Variants in NRP1 observed in about 807,000 individuals in gnomAD.
NRP1 encodes the protein neuropilin-1.
A neutral mutation model predicts 106.7 loss-of-function variants in NRP1; 35 were observed. The ratio of observed to expected loss-of-function variants is 0.33; its 90% CI spans 0.25 to 0.43. The LOEUF (loss-of-function observed/expected upper bound fraction) is 0.43. Ranked by LOEUF, NRP1 falls within the 20% of genes least tolerant of loss-of-function variation. The pLI, the probability that NRP1 is intolerant of heterozygous loss-of-function variation, is 1.00. For synonymous variants in NRP1, 437 were observed against 417.9 expected (o/e 1.05, Z -0.56); for missense variants, 1,024 against 1,170.4 (o/e 0.87, Z 1.83).
chr10:33,197,775 T>C, intron 11 of NRP1, 66 bp from the exon 12 acceptor site: 1 of 923,512 alleles, frequency 1.1e-6, no homozygotes. Context: ...GAGAAAAATG[T>C]ATGCTTACAA....
At chr10:33,251,660 G>C (rs117755344) in intron 6 of NRP1, among the ~76,000 whole-genome samples, 1,957 of 152,260 alleles carry the variant, frequency 0.013, 16 homozygotes, top group Non-Finnish European at 0.022. Context: ...TCCAAAGAAT[G>C]ATGTAAATCT....
At chr10:33,196,148 A>T (rs1836766407) in intron 12 of NRP1, among the ~76,000 whole-genome samples, 1 of 152,168 alleles carries the variant, frequency 6.6e-6, no homozygotes, top group African/African-American at 2.4e-5. Flanking sequence ...TCCATTTTCT[A>T]CACAGCTGTT....
chr10:33,197,224 C>A (rs1234987420), intron 12 of NRP1, among the ~76,000 whole-genome samples: 1 of 152,108 alleles, frequency 6.6e-6, no homozygotes, highest in Non-Finnish European at 1.5e-5. Context: ...ACTGGAAACA[C>A]TGTTGTAAAA....
intron 13 of NRP1, 93 bp downstream of exon 13, chr10:33,192,188 A>T (rs1463947488): frequency 1.4e-6 from 2 of 1,393,760 alleles, no homozygotes; most frequent in Non-Finnish European, 2.0e-6. Flanking sequence ...TACCCGCCCT[A>T]AATTCACAGA....
chr10:33,224,864 G>A (rs1243516394), intron 7 of NRP1, among the ~76,000 whole-genome samples: 2 of 152,086 alleles, frequency 1.3e-5, no homozygotes, highest in Non-Finnish European at 2.9e-5. Context: ...AAAAAGAAAT[G>A]GCCTGACAGT....
At chr10:33,262,759 T>C (rs1208545672) in intron 4 of NRP1, among the ~76,000 whole-genome samples, 1 of 150,804 alleles carries the variant, frequency 6.6e-6, no homozygotes, top group Non-Finnish European at 1.5e-5. Context: ...TTTCAACCTA[T>C]ACCTCCCCAC....
At chr10:33,272,742 C>T (rs1048399433) in intron 2 of NRP1, among the ~76,000 whole-genome samples, 1 of 152,108 alleles carries the variant, frequency 6.6e-6, no homozygotes, top group Non-Finnish European at 1.5e-5. Flanking sequence ...TATAATTTAA[C>T]TGTGATTTGA....
intron 3 of NRP1, among the ~76,000 whole-genome samples, chr10:33,269,404 C>A (rs962629605): frequency 6.6e-6 from 1 of 152,306 alleles, no homozygotes; most frequent in South Asian, 2.1e-4. Context: ...GGCAGCCCTC[C>A]CACCTCAACC....
intron 9 of NRP1, among the ~76,000 whole-genome samples, chr10:33,208,532 T>C (rs1293974265): frequency 6.6e-6 from 1 of 152,208 alleles, no homozygotes; most frequent in East Asian, 1.9e-4. Flanking sequence ...CAGTTTTCCT[T>C]TTCAAGAAAT....
At chr10:33,278,679 C>T (rs1181787910) in intron 2 of NRP1, among the ~76,000 whole-genome samples, 1 of 152,168 alleles carries the variant, frequency 6.6e-6, no homozygotes, top group African/African-American at 2.4e-5. Context: ...CGCATATAGT[C>T]CACCTAACAT....
intron 4 of NRP1, 64 bp downstream of exon 4, chr10:33,263,581 TA>T: frequency 8.1e-7 from 1 of 1,239,982 alleles, no homozygotes; most frequent in Non-Finnish European, 1.2e-6. Flanking sequence ...ATGAGACTTG[TA>T]AAAGAATACT....
chr10:33,207,142 A>T (rs1311552746), intron 10 of NRP1, among the ~76,000 whole-genome samples: 1 of 152,140 alleles, frequency 6.6e-6, no homozygotes, highest in Non-Finnish European at 1.5e-5. Flanking sequence ...GGGTTGAGGG[A>T]AGTTGCCTGC....
chr10:33,205,174 G>T (rs533190976), intron 10 of NRP1, among the ~76,000 whole-genome samples: 2 of 152,306 alleles, frequency 1.3e-5, no homozygotes, highest in East Asian at 3.9e-4. Context: ...CTTAATAAGG[G>T]CCTGTTAACT....
Position 33,326,545 on chromosome 10 carries a change from T to C in NRP1, c.248+4163A>G, listed in dbSNP as rs117198579. Among the ~76,000 whole-genome samples, 763 of 152,284 alleles carry C rather than the reference T, an allele frequency of 5.0e-3. 1 individual carries two copies. Among genetic ancestry groups the C allele is most frequent in the Admixed American group, 8.0e-3 (123 of 15,296 alleles). ...CTAATAATAAAATCATGCATATATA[T>C]AGCTGGGAAAAAATCCTAGTTCTGT... On this transcript the variant is annotated intron_variant, in intron 2 of 16. Transcript: ENST00000374867.
chr10:33,232,638 C>CTTTTTTTT (rs71030049), intron 6 of NRP1, among the ~76,000 whole-genome samples: 5 of 94,208 alleles, frequency 5.3e-5, no homozygotes, highest in Non-Finnish European at 9.9e-5. Context: ...TTTTCTTTTC[C>CTTTTTTTT]TTTTTTTTTT....
intron 16 of NRP1, among the ~76,000 whole-genome samples, chr10:33,181,499 G>A (rs184363574): frequency 6.6e-6 from 1 of 152,320 alleles, no homozygotes; most frequent in East Asian, 1.9e-4. Context: ...ATGCATTGAT[G>A]ATAAGGGTGC....
intron 8 of NRP1, among the ~76,000 whole-genome samples, chr10:33,215,437 A>G (rs1216427836): frequency 1.3e-5 from 2 of 152,176 alleles, no homozygotes; most frequent in Non-Finnish European, 2.9e-5. Context: ...AGACCTTTTT[A>G]TGTCTTCTAA....
At chr10:33,255,536 C>G (rs1842139948) in intron 5 of NRP1, among the ~76,000 whole-genome samples, 1 of 152,124 alleles carries the variant, frequency 6.6e-6, no homozygotes, top group Non-Finnish European at 1.5e-5. Context: ...CTCACTGCAG[C>G]CTTAAACTTT....
intron 13 of NRP1, 31 bp downstream of exon 13, chr10:33,192,250 A>G (rs1836468084): frequency 6.3e-7 from 1 of 1,594,412 alleles, no homozygotes; most frequent in African/African-American, 1.3e-5. Flanking sequence ...GAATCTGCAA[A>G]GCCATGCAGC....
Sources: allele counts gnomAD v4.1 joint callset (sites outside exome capture counted in the v4.1 genomes callset), GRCh38; gene constraint gnomAD v4.1.1; transcripts MANE v1.5; gene names NCBI Gene and HGNC (gene_info 2026-07-23, HGNC 2026-07-21).